Variants in TSPAN5 observed in about 807,000 individuals in gnomAD.
The protein encoded by TSPAN5 is tetraspanin 5.
In TSPAN5, 10 loss-of-function variants were observed where a neutral mutation model predicts 37.1. The observed-to-expected ratio is 0.27, with a 90% confidence interval of 0.17 to 0.46. TSPAN5 has a LOEUF of 0.46. Among genes scored for constraint, TSPAN5 ranks in the 20% least tolerant of loss-of-function variants. The probability of loss-of-function intolerance (pLI) is 1.00; values close to 1 mark genes in which losing one functional copy is unlikely to be tolerated. For synonymous variants in TSPAN5, 110 were observed against 118.9 expected, an observed-to-expected ratio of 0.93 and a Z score of 0.48; for missense variants, 195 against 326.6, an observed-to-expected ratio of 0.60 and a Z score of 3.11.
intron 1 of TSPAN5, among the ~76,000 whole-genome samples, chr4:98,648,351 T>A (rs1360813935): frequency 1.3e-5 from 2 of 151,940 alleles, no homozygotes; most frequent in African/African-American, 2.4e-5. Context: ...GGGAGGCTGA[T>A]TTTTTTTGAA....
In TSPAN5 at chr4:98,476,140, T is replaced by A. The variant is rs761386792; in HGVS notation, c.741+49A>T. On this transcript the variant is annotated intron_variant, in intron 7 of 7. Transcript: ENST00000305798. ...AAAGCTCCGATCCTGGCAAGGGCTC[T>A]CCCAGGGCATTATTTCCCTGTGATA... is the stretch of plus-strand genomic sequence containing the variant. The A allele has an allele frequency of 4.1e-6, 6 of 1,445,838 alleles. No homozygotes were observed. In the Admixed American group the frequency reaches 1.0e-4, roughly 24 times the overall value. The allele number at this position is 1,445,838 out of a possible 1,614,324, so 89.6% of individuals were successfully genotyped here.
chr4:98,518,548 C>T (rs1753785672), intron 1 of TSPAN5, among the ~76,000 whole-genome samples: 1 of 152,142 alleles, frequency 6.6e-6, no homozygotes, highest in Non-Finnish European at 1.5e-5. Context: ...GACACTTGAA[C>T]TGTATTTTAA....
intron 3 of TSPAN5, chr4:98,484,541 T>C: frequency 2.2e-6 from 1 of 456,236 alleles, no homozygotes. Flanking sequence ...TAAATTAAGG[T>C]GCTGATTTAG....
intron 1 of TSPAN5, among the ~76,000 whole-genome samples, chr4:98,617,601 C>A (rs1279187069): frequency 1.3e-5 from 2 of 152,134 alleles, no homozygotes; most frequent in East Asian, 3.9e-4. Context: ...TTCCGTCATG[C>A]CAAAGGTAGC....
intron 1 of TSPAN5, among the ~76,000 whole-genome samples, chr4:98,620,067 T>C (rs547796046): frequency 2.0e-5 from 3 of 152,330 alleles, no homozygotes; most frequent in African/African-American, 7.2e-5. Context: ...CTGCAAATTC[T>C]GAAACTCCTC....
intron 1 of TSPAN5, among the ~76,000 whole-genome samples, chr4:98,559,702 C>T (rs964036671): frequency 1.3e-5 from 2 of 152,186 alleles, no homozygotes; most frequent in Non-Finnish European, 2.9e-5. Context: ...TATCTTCAGA[C>T]AGAATCTGAA....
At chr4:98,570,615 T>C (rs2110181229) in intron 1 of TSPAN5, among the ~76,000 whole-genome samples, 1 of 152,068 alleles carries the variant, frequency 6.6e-6, no homozygotes, top group East Asian at 1.9e-4. Context: ...AAATGCCACG[T>C]GAAAAGACAC....
At chr4:98,653,982 T>C (rs886452020) in intron 1 of TSPAN5, among the ~76,000 whole-genome samples, 1 of 152,220 alleles carries the variant, frequency 6.6e-6, no homozygotes, top group Non-Finnish European at 1.5e-5. Context: ...CTGCCAGTTC[T>C]AAGTGGAACC....
intron 1 of TSPAN5, among the ~76,000 whole-genome samples, chr4:98,567,347 T>C (rs1755027762): frequency 6.6e-6 from 1 of 152,144 alleles, no homozygotes; most frequent in African/African-American, 2.4e-5. Context: ...AAGAAGAAAA[T>C]GTTCCTGTGG....
intron 1 of TSPAN5, among the ~76,000 whole-genome samples, chr4:98,642,748 G>A (rs1756985011): frequency 6.6e-6 from 1 of 151,936 alleles, no homozygotes; most frequent in South Asian, 2.1e-4. Context: ...TCCTGTATAG[G>A]TCTAGGCTAA....
At chr4:98,547,822 C>G (rs1416203375) in intron 1 of TSPAN5, among the ~76,000 whole-genome samples, 1 of 151,906 alleles carries the variant, frequency 6.6e-6, no homozygotes, top group African/African-American at 2.4e-5. Flanking sequence ...GCCTGGCCAA[C>G]ACGGTGAAAC....
At chr4:98,651,601 A>C (rs1023834526) in intron 1 of TSPAN5, among the ~76,000 whole-genome samples, 1 of 152,202 alleles carries the variant, frequency 6.6e-6, no homozygotes, top group African/African-American at 2.4e-5. Context: ...CAGGTTCTCT[A>C]TACTACTTGC....
Position 98,497,690 on chromosome 4 carries a change from T to C in TSPAN5, c.132+9988A>G, listed in dbSNP as rs368003884. On this transcript the variant is annotated intron_variant, in intron 2 of 7. Transcript: ENST00000305798. ...ACTTTCATGAGGATCACCTGTGAGT[T>C]GCCAGGTATTATGTCAGTCAAGGGT... Among the ~76,000 whole-genome samples, 70 of 125,958 alleles carry C rather than the reference T, an allele frequency of 5.6e-4. No homozygotes were observed. In the South Asian group the frequency reaches 0.014, roughly 25 times the overall value. 82.6% of individuals were successfully genotyped at this position (125,958 alleles called of 152,430 possible).
At chr4:98,498,233 T>C (rs894696406) in intron 2 of TSPAN5, among the ~76,000 whole-genome samples, 1 of 152,022 alleles carries the variant, frequency 6.6e-6, no homozygotes, top group Non-Finnish European at 1.5e-5. Flanking sequence ...GGAACTAACA[T>C]GCCCAGGTAG....
chr4:98,615,550 G>T (rs550151218), intron 1 of TSPAN5, among the ~76,000 whole-genome samples: 2 of 152,310 alleles, frequency 1.3e-5, no homozygotes, highest in East Asian at 3.9e-4. Flanking sequence ...CGGGCGCATG[G>T]TGGCTCATGC....
At chr4:98,487,614 T>C (rs536592101) in intron 2 of TSPAN5, among the ~76,000 whole-genome samples, 2 of 152,250 alleles carry the variant, frequency 1.3e-5, no homozygotes, top group East Asian at 1.9e-4. Flanking sequence ...TTGAGCTCCA[T>C]GGGAGACCTT....
chr4:98,608,612 T>A (rs1259041023), intron 1 of TSPAN5, among the ~76,000 whole-genome samples: 5 of 152,052 alleles, frequency 3.3e-5, no homozygotes, highest in Admixed American at 2.6e-4. Context: ...ATGCTGATGA[T>A]TTTCCTCCTC....
At chr4:98,473,846 G>A (rs989114040) in intron 7 of TSPAN5, among the ~76,000 whole-genome samples, 16 of 151,984 alleles carry the variant, frequency 1.1e-4, no homozygotes, top group Admixed American at 2.6e-4. Flanking sequence ...GTACAGTGGC[G>A]TGATCATAGC....
intron 1 of TSPAN5, among the ~76,000 whole-genome samples, chr4:98,637,101 G>T (rs1756872166): frequency 6.6e-6 from 1 of 152,166 alleles, no homozygotes; most frequent in Admixed American, 6.5e-5. Context: ...AGAGGCACAG[G>T]CAGTAGTTAT....
Sources: gnomAD v4.1 joint callset for allele counts (sites outside exome capture counted in the v4.1 genomes callset) on GRCh38, gnomAD v4.1.1 for gene constraint, MANE v1.5 for transcripts, NCBI Gene and HGNC (gene_info 2026-07-23, HGNC 2026-07-21) for gene names.